The following ZNRF3 variants were observed in gnomAD, a reference collection of about 807,000 sequenced individuals.
The protein encoded by ZNRF3 is zinc and ring finger 3, also known as E3 ubiquitin-protein ligase ZNRF3.
In ZNRF3, 23 loss-of-function variants were observed where a neutral mutation model predicts 72.5. That is an observed-to-expected ratio of 0.32 (90% CI 0.23 to 0.45). The LOEUF (loss-of-function observed/expected upper bound fraction) is 0.45, where lower values mean the gene tolerates loss of function less well. Among genes scored for constraint, ZNRF3 ranks in the 20% least tolerant of loss-of-function variants. The pLI is 1.00. For missense variants in ZNRF3, 1,169 were observed against 1,272.1 expected (o/e 0.92, Z 1.23); for synonymous variants, 610 against 545.3 (o/e 1.12, Z -1.65).
At chr22:28,916,927 ATT>A (rs1348281366) in intron 1 of ZNRF3, among the ~76,000 whole-genome samples, 2 of 152,066 alleles carry the variant, frequency 1.3e-5, no homozygotes, top group Non-Finnish European at 2.9e-5. Context: ...ACCGCCCAGG[ATT>A]TCCAAATTGT....
intron 1 of ZNRF3, among the ~76,000 whole-genome samples, chr22:28,891,265 G>A (rs1357477981): frequency 1.3e-5 from 2 of 152,194 alleles, no homozygotes; most frequent in African/African-American, 4.8e-5. Flanking sequence ...TGACTCCCAG[G>A]CTTGGAGCCC....
intron 1 of ZNRF3, among the ~76,000 whole-genome samples, chr22:28,912,715 A>T (rs926097615): frequency 3.1e-5 from 4 of 130,190 alleles, no homozygotes; most frequent in Non-Finnish European, 6.2e-5. Flanking sequence ...CCCAGGCTGG[A>T]GTGCAATGGT....
chr22:28,891,667 C>T (rs1209222662), intron 1 of ZNRF3, among the ~76,000 whole-genome samples: 2 of 152,162 alleles, frequency 1.3e-5, no homozygotes, highest in Non-Finnish European at 1.5e-5. Context: ...TTCACAAGCC[C>T]GCTTCACTTC....
chr22:28,910,307 C>G (rs2034293603), intron 1 of ZNRF3, among the ~76,000 whole-genome samples: 1 of 152,166 alleles, frequency 6.6e-6, no homozygotes, highest in Non-Finnish European at 1.5e-5. Flanking sequence ...TCTCAAAGTG[C>G]TGGGATTACA....
At chr22:29,000,797 C>A (rs772635024) in intron 2 of ZNRF3, among the ~76,000 whole-genome samples, 7 of 151,890 alleles carry the variant, frequency 4.6e-5, no homozygotes, top group Non-Finnish European at 8.8e-5. Context: ...TATCACACGG[C>A]GAGAGTGGGA....
chr22:29,028,103 G>A (rs1330363215), intron 2 of ZNRF3, among the ~76,000 whole-genome samples: 1 of 152,182 alleles, frequency 6.6e-6, no homozygotes, highest in Non-Finnish European at 1.5e-5. Context: ...ATATCATAGG[G>A]TACACAGGGG....
intron 1 of ZNRF3, among the ~76,000 whole-genome samples, chr22:28,887,235 A>AGAGTGTGTGTGT (rs376319811): frequency 1.1e-5 from 1 of 93,092 alleles, no homozygotes; most frequent in Non-Finnish European, 2.3e-5. Flanking sequence ...AGAGAGAGAG[A>AGAGTGTGTGTGT]GTGTGTGTGT....
At chr22:29,034,265 C>T (rs899645411) in intron 2 of ZNRF3, among the ~76,000 whole-genome samples, 1 of 152,196 alleles carries the variant, frequency 6.6e-6, no homozygotes, top group Non-Finnish European at 1.5e-5. Flanking sequence ...CAGTAGTTGT[C>T]AGATGGAACT....
chr22:28,960,791 T>A (rs1249583046), intron 1 of ZNRF3, among the ~76,000 whole-genome samples: 1 of 152,070 alleles, frequency 6.6e-6, no homozygotes, highest in East Asian at 1.9e-4. Flanking sequence ...CATTCTTACT[T>A]CCTCTTGGAG....
chr22:28,888,156 G>T (rs892709556), intron 1 of ZNRF3, among the ~76,000 whole-genome samples: 4 of 152,156 alleles, frequency 2.6e-5, no homozygotes, highest in Admixed American at 6.5e-5. Context: ...GCTATTAGGG[G>T]TGGGTAGAGA....
chr22:28,999,844 G>A (rs1465074858), intron 2 of ZNRF3, among the ~76,000 whole-genome samples: 2 of 152,118 alleles, frequency 1.3e-5, no homozygotes, highest in African/African-American at 2.4e-5. Context: ...CCCTAACCTC[G>A]GTGACATAAA....
At chr22:28,957,704 G>T (rs1345107474) in intron 1 of ZNRF3, among the ~76,000 whole-genome samples, 2 of 151,854 alleles carry the variant, frequency 1.3e-5, no homozygotes, top group African/African-American at 4.8e-5. Flanking sequence ...CTCCCAAAGT[G>T]CCAGGATTAC....
chr22:28,922,950 T>A (rs1488563744), intron 1 of ZNRF3, among the ~76,000 whole-genome samples: 1 of 152,110 alleles, frequency 6.6e-6, no homozygotes, highest in Non-Finnish European at 1.5e-5. Context: ...GGAAACCGGC[T>A]TGGAGAAGTT....
chr22:28,992,014 A>G (rs887201492), intron 2 of ZNRF3, among the ~76,000 whole-genome samples: 1 of 151,920 alleles, frequency 6.6e-6, no homozygotes, highest in African/African-American at 2.4e-5. Context: ...TAAGCTGGGC[A>G]TGGTGGCACG....
Position 29,048,290 on chromosome 22 carries a change from G to T in ZNRF3, c.913-99G>T. The T allele has an allele frequency of 1.1e-6, 1 of 895,776 alleles. No individual in the cohort carries two copies. The highest frequency in any genetic ancestry group is 2.6e-5 in the East Asian group (1 of 38,332). 55.5% of individuals were successfully genotyped at this position (895,776 alleles called of 1,614,324 possible). The stretch of plus-strand genomic sequence containing the variant: ...TGGGGAGGAGAGTAGGGAAGGGCAC[G>T]GGCATGCTGTGCAGAACTCCTTGGT... On this transcript the variant is annotated intron_variant, in intron 6 of 8. Coordinates refer to ENST00000544604, the MANE Select transcript of ZNRF3 (RefSeq NM_001206998.2). This position sits in a 1 kb window ranked among gnomAD's most constrained non-coding sequence, Gnocchi z 4.9.
chr22:28,924,424 C>T (rs780445074), intron 1 of ZNRF3, among the ~76,000 whole-genome samples: 1 of 152,124 alleles, frequency 6.6e-6, no homozygotes, highest in Non-Finnish European at 1.5e-5. Flanking sequence ...TTGGAACACA[C>T]CTGGTGAGCC....
At chr22:28,926,271 C>G (rs987703184) in intron 1 of ZNRF3, among the ~76,000 whole-genome samples, 20 of 152,284 alleles carry the variant, frequency 1.3e-4, no homozygotes, top group Admixed American at 2.0e-4. Flanking sequence ...ATGGAGCAAG[C>G]CAGCTGGGTG....
chr22:28,998,694 G>T (rs1696455109), intron 2 of ZNRF3, among the ~76,000 whole-genome samples: 1 of 152,170 alleles, frequency 6.6e-6, no homozygotes, highest in Non-Finnish European at 1.5e-5. Context: ...TTGGTTAAAA[G>T]GCTATATTAA....
intron 1 of ZNRF3, among the ~76,000 whole-genome samples, chr22:28,951,856 A>T (rs1249000200): frequency 6.6e-6 from 1 of 152,194 alleles, no homozygotes; most frequent in Non-Finnish European, 1.5e-5. Flanking sequence ...TTCTGGAAAG[A>T]TGGATAGAGA....
Sources: gnomAD v4.1 joint callset for allele counts (sites outside exome capture counted in the v4.1 genomes callset) on GRCh38, gnomAD v4.1.1 for gene constraint, Gnocchi (gnomAD v3.1) non-coding constraint, MANE v1.5 for transcripts, NCBI Gene and HGNC (gene_info 2026-07-23, HGNC 2026-07-21) for gene names.